The following GRID1 variants were observed in gnomAD, a reference collection of about 807,000 sequenced individuals.
The protein encoded by GRID1 is glutamate ionotropic receptor delta type subunit 1.
Under a neutral mutation model 98.0 loss-of-function variants are expected in GRID1, and 28 were observed. The ratio of observed to expected loss-of-function variants is 0.29; its 90% CI spans 0.21 to 0.39. GRID1 has a LOEUF of 0.39. GRID1 is among the 10% of genes least tolerant of loss of function. GRID1 has a pLI of 1.00. For missense variants in GRID1, 1,111 were observed against 1,340.5 expected, an observed-to-expected ratio of 0.83 and a Z score of 2.67; for synonymous variants, 553 against 538.5, an observed-to-expected ratio of 1.03 and a Z score of -0.37.
intron 4 of GRID1, among the ~76,000 whole-genome samples, chr10:86,046,518 A>G (rs546353800): frequency 2.6e-5 from 4 of 152,328 alleles, no homozygotes; most frequent in African/African-American, 9.6e-5. Flanking sequence ...GCTGAGTTCC[A>G]GGTTAATAGT....
At chr10:86,134,672 A>T (rs1844889573) in intron 4 of GRID1, among the ~76,000 whole-genome samples, 1 of 152,108 alleles carries the variant, frequency 6.6e-6, no homozygotes, top group Admixed American at 6.5e-5. Context: ...ACTGCATCAC[A>T]CACAAGTTCC....
chr10:86,057,474 G>T (rs1451700382), intron 4 of GRID1, among the ~76,000 whole-genome samples: 1 of 152,164 alleles, frequency 6.6e-6, no homozygotes, highest in Non-Finnish European at 1.5e-5. Flanking sequence ...GCTCTTCTCT[G>T]TTCTTAAATA....
chr10:85,843,611 A>C (rs1842980245), intron 8 of GRID1, among the ~76,000 whole-genome samples: 1 of 152,110 alleles, frequency 6.6e-6, no homozygotes, highest in Admixed American at 6.5e-5. Context: ...CAATCGTCTT[A>C]GAAAAACAGG....
At chr10:85,795,205 T>G (rs906364326) in intron 8 of GRID1, among the ~76,000 whole-genome samples, 4 of 152,178 alleles carry the variant, frequency 2.6e-5, no homozygotes, top group African/African-American at 9.7e-5. Context: ...CTAACATCAT[T>G]CATTCCTTCT....
chr10:86,321,396 C>A (rs1847968716), intron 2 of GRID1, among the ~76,000 whole-genome samples: 1 of 152,118 alleles, frequency 6.6e-6, no homozygotes, highest in Non-Finnish European at 1.5e-5. Context: ...CTAAAAGTAA[C>A]ATAAACACTT....
At chr10:85,971,270 C>T (rs1225449172) in intron 4 of GRID1, among the ~76,000 whole-genome samples, 3 of 151,892 alleles carry the variant, frequency 2.0e-5, no homozygotes, top group African/African-American at 2.4e-5. Context: ...AGCTTCCTTG[C>T]CTTAATGTAG....
intron 8 of GRID1, among the ~76,000 whole-genome samples, chr10:85,773,193 C>T (rs1405381534): frequency 6.6e-6 from 1 of 152,216 alleles, no homozygotes; most frequent in South Asian, 2.1e-4. Flanking sequence ...AAATGTAATC[C>T]AGCATATAAA....
At chr10:85,824,274 C>A (rs978854630) in intron 8 of GRID1, among the ~76,000 whole-genome samples, 2 of 152,102 alleles carry the variant, frequency 1.3e-5, no homozygotes, top group African/African-American at 4.8e-5. Flanking sequence ...TGCAGTGGTG[C>A]GATCTTGGCT....
intron 4 of GRID1, among the ~76,000 whole-genome samples, chr10:86,129,360 C>T (rs1460320996): frequency 6.6e-6 from 1 of 152,204 alleles, no homozygotes; most frequent in African/African-American, 2.4e-5. Flanking sequence ...CAAGCCTCCT[C>T]TCCCAACAGC....
intron 8 of GRID1, among the ~76,000 whole-genome samples, chr10:85,732,267 T>A (rs1841834539): frequency 6.6e-6 from 1 of 152,210 alleles, no homozygotes; most frequent in Non-Finnish European, 1.5e-5. Context: ...ACCATCCCAA[T>A]GGCTCACAGA....
chr10:85,985,599 C>T (rs530940986), intron 4 of GRID1, among the ~76,000 whole-genome samples: 1,639 of 152,286 alleles, frequency 0.011, no homozygotes, highest in African/African-American at 0.038. Context: ...CATCTGGGTT[C>T]CCAGGATGGC....
At chr10:85,838,923 T>C (rs1260003243) in intron 8 of GRID1, among the ~76,000 whole-genome samples, 1 of 150,848 alleles carries the variant, frequency 6.6e-6, no homozygotes, top group Non-Finnish European at 1.5e-5. Flanking sequence ...GTGACACACA[T>C]AGGCTCAAAA....
At chr10:86,306,829 G>A (rs1335970822) in intron 2 of GRID1, among the ~76,000 whole-genome samples, 3 of 152,246 alleles carry the variant, frequency 2.0e-5, no homozygotes, top group African/African-American at 4.8e-5. Flanking sequence ...CCTTACCAGA[G>A]CTTAGGATAA....
At position 86,204,326 on chromosome 10, in the gene GRID1, C is replaced by A. The variant is rs372981587; in HGVS notation, c.520+2038G>T. 5.3e-5 allele frequency among the ~76,000 whole-genome samples: 8 copies of A among 152,294 alleles called. No homozygotes were observed. The East Asian group carries it at 1.2e-3, about 22-fold the overall frequency. On this transcript the variant is annotated intron_variant, in intron 3 of 15. Coordinates refer to ENST00000327946, the MANE Select transcript of GRID1 (RefSeq NM_017551.3). ...GCCAGGCACCATGCAGGCTGCAGGG[C>A]CATGGTGGTGGGAAGCACACAGCCA...
intron 2 of GRID1, among the ~76,000 whole-genome samples, chr10:86,221,885 CCCTCCTCCTCCTTCT>C (rs1180109068): frequency 9.5e-6 from 1 of 105,388 alleles, no homozygotes; most frequent in African/African-American, 3.3e-5. Context: ...AGCCCCCTCC[CCCTCCTCCTCCTTCT>C]CCTCCTCCTC....
chr10:86,030,041 T>C (rs1843164435), intron 4 of GRID1, among the ~76,000 whole-genome samples: 1 of 152,232 alleles, frequency 6.6e-6, no homozygotes, highest in South Asian at 2.1e-4. Flanking sequence ...TCCATTGCTG[T>C]AGAATTTTGC....
At chr10:86,343,551 G>A (rs1848340699) in intron 2 of GRID1, among the ~76,000 whole-genome samples, 2 of 152,320 alleles carry the variant, frequency 1.3e-5, no homozygotes, top group South Asian at 4.1e-4. Context: ...AATATTCCTT[G>A]CAGAGAAATA....
intron 2 of GRID1, among the ~76,000 whole-genome samples, chr10:86,287,516 C>T (rs1039000049): frequency 1.3e-5 from 2 of 152,186 alleles, no homozygotes; most frequent in Admixed American, 6.5e-5. Context: ...ATCAAATGGG[C>T]TTGTGCACCA....
chr10:86,242,668 C>G (rs1347417690), intron 2 of GRID1, among the ~76,000 whole-genome samples: 1 of 152,200 alleles, frequency 6.6e-6, no homozygotes. Flanking sequence ...CTCCAAAACC[C>G]CTGTCCAGGC....
Sources: allele counts gnomAD v4.1 joint callset (sites outside exome capture counted in the v4.1 genomes callset), GRCh38; gene constraint gnomAD v4.1.1; transcripts MANE v1.5; gene names NCBI Gene and HGNC (gene_info 2026-07-23, HGNC 2026-07-21).